The following PCDHA5 variants were observed in gnomAD, a reference collection of about 807,000 sequenced individuals.
PCDHA5 encodes protocadherin alpha-5.
In PCDHA5, 43 loss-of-function variants were observed where a neutral mutation model predicts 61.6. The observed-to-expected ratio is 0.70, with a 90% confidence interval of 0.55 to 0.90. The LOEUF (loss-of-function observed/expected upper bound fraction) is 0.90, where lower values mean the gene tolerates loss of function less well. Among genes scored for constraint, PCDHA5 ranks in the 40% least tolerant of loss-of-function variants. PCDHA5 has a pLI of 0.00. For synonymous variants in PCDHA5, 627 were observed against 543.9 expected (o/e 1.15, Z -2.13); for missense variants, 1,298 against 1,222.7 (o/e 1.06, Z -0.92).
intron 1 of PCDHA5, among the ~76,000 whole-genome samples, chr5:140,880,574 AGAGAG>A (rs2058389036): frequency 1.3e-5 from 2 of 152,226 alleles, no homozygotes; most frequent in African/African-American, 4.8e-5. Flanking sequence ...GAATTTGAGA[AGAGAG>A]GAAAGAGAAT....
chr5:140,858,334 GC>G, intron 1 of PCDHA5: 1 of 1,595,814 alleles, frequency 6.3e-7, no homozygotes, highest in Admixed American at 1.7e-5. Flanking sequence ...GGGAGGGCCT[GC>G]CCAAGGCGGA....
chr5:140,906,962 C>T (rs1554192812), intron 1 of PCDHA5, among the ~76,000 whole-genome samples: 2 of 152,146 alleles, frequency 1.3e-5, no homozygotes, highest in South Asian at 4.1e-4. Context: ...TTAATGGAAT[C>T]GTGGTTGTGT....
rs2098416866 is a variant in PCDHA5, at chr5:141,010,297, G to C, written c.*360G>C. 3 of 1,549,050 alleles carry C rather than the reference G, an allele frequency of 1.9e-6. No individual in the cohort carries two copies. The South Asian group carries it at 3.6e-5, about 19-fold the overall frequency. On this transcript the variant is annotated 3_prime_UTR_variant, in exon 4 of 4. Transcript: ENST00000529859. ...TGTCTTGATGACACTTGCAGGGCAGGCTGAAAAGTTTTGAGATTGAGCAGC... is the reference window on the plus strand; with the variant it reads ...TGTCTTGATGACACTTGCAGGGCAGCCTGAAAAGTTTTGAGATTGAGCAGC...
chr5:140,841,365 T>C (rs1238477201), intron 1 of PCDHA5: 13 of 1,613,134 alleles, frequency 8.1e-6, no homozygotes, highest in Non-Finnish European at 1.1e-5. Context: ...TGGCGACTAC[T>C]ACTCTTGCTT....
At chr5:140,846,790 C>T (rs1780677178) in intron 1 of PCDHA5, among the ~76,000 whole-genome samples, 1 of 149,194 alleles carries the variant, frequency 6.7e-6, no homozygotes, top group Non-Finnish European at 1.5e-5. Context: ...ATTACTGAGC[C>T]CCAGCCCCTG....
intron 1 of PCDHA5, among the ~76,000 whole-genome samples, chr5:140,827,206 A>G (rs1769216387): frequency 6.6e-6 from 1 of 152,196 alleles, no homozygotes; most frequent in South Asian, 2.1e-4. Flanking sequence ...AGTGAGTGAG[A>G]ACAATTAAAG....
intron 2 of PCDHA5, among the ~76,000 whole-genome samples, chr5:140,981,563 G>A (rs2096938689): frequency 6.6e-6 from 1 of 152,110 alleles, no homozygotes; most frequent in African/African-American, 2.4e-5. Flanking sequence ...GACAGAGTGA[G>A]GCTTTGTCTC....
intron 1 of PCDHA5, chr5:140,883,572 T>C: frequency 6.2e-7 from 1 of 1,614,098 alleles, no homozygotes; most frequent in Non-Finnish European, 8.5e-7. Flanking sequence ...TCGCCTTCGC[T>C]GTGGGCCACG....
chr5:140,883,639 G>A (rs2059720248), intron 1 of PCDHA5: 1 of 1,614,016 alleles, frequency 6.2e-7, no homozygotes, highest in Non-Finnish European at 8.5e-7. Context: ...CGTTCGCGCA[G>A]CCCGAGTACA....
At chr5:140,975,899 G>A (rs2096688066) in intron 1 of PCDHA5, among the ~76,000 whole-genome samples, 1 of 152,084 alleles carries the variant, frequency 6.6e-6, no homozygotes, top group African/African-American at 2.4e-5. Context: ...ATGGAGTTTT[G>A]TGACCATTAT....
rs1554169514 is a variant in PCDHA5, at chr5:140,877,250, A to C, written c.2352+53123A>C. On this transcript the variant is annotated intron_variant, in intron 1 of 3. Transcript: ENST00000529859. Reference sequence around the variant, plus strand: ...GTGGGTGCGGGCCACGTGGTGGCGAAAGTGCGCGCGGTGGACGCTGACTCC... The same window carrying C: ...GTGGGTGCGGGCCACGTGGTGGCGACAGTGCGCGCGGTGGACGCTGACTCC... 1.9e-6 allele frequency: 3 copies of C among 1,613,668 alleles called. No homozygotes were observed. In the African/African-American group the frequency reaches 4.0e-5, roughly 22 times the overall value.
At chr5:140,960,303 C>G (rs2095539243) in intron 1 of PCDHA5, among the ~76,000 whole-genome samples, 1 of 152,132 alleles carries the variant, frequency 6.6e-6, no homozygotes, top group African/African-American at 2.4e-5. Context: ...TTCATCAATA[C>G]CAACCTCATT....
intron 1 of PCDHA5, among the ~76,000 whole-genome samples, chr5:140,909,316 G>C (rs2074435468): frequency 6.6e-6 from 1 of 152,198 alleles, no homozygotes; most frequent in Non-Finnish European, 1.5e-5. Flanking sequence ...AAAGGCATTT[G>C]CCAAATCAAT....
intron 1 of PCDHA5, among the ~76,000 whole-genome samples, chr5:140,899,492 T>A (rs1325439071): frequency 3.9e-5 from 6 of 152,338 alleles, no homozygotes; most frequent in Admixed American, 3.3e-4. Context: ...CTGGATTACA[T>A]TTATTGATTT....
chr5:140,967,833 T>C, intron 1 of PCDHA5: 1 of 1,614,132 alleles, frequency 6.2e-7, no homozygotes, highest in Non-Finnish European at 8.5e-7. Context: ...GTGGACATCG[T>C]GGACGTGAAT....
At chr5:140,987,681 G>A (rs1554249426) in intron 3 of PCDHA5, among the ~76,000 whole-genome samples, 2 of 152,184 alleles carry the variant, frequency 1.3e-5, no homozygotes, top group Non-Finnish European at 2.9e-5. Context: ...TTAGTAAATA[G>A]TAGCTATTTT....
intron 1 of PCDHA5, among the ~76,000 whole-genome samples, chr5:140,965,730 C>T (rs1554227819): frequency 6.6e-6 from 1 of 152,166 alleles, no homozygotes; most frequent in East Asian, 1.9e-4. Flanking sequence ...AAAAATTTTA[C>T]CAGATTTTCC....
At chr5:141,007,095 G>A (rs1405401392) in intron 3 of PCDHA5, among the ~76,000 whole-genome samples, 2 of 152,208 alleles carry the variant, frequency 1.3e-5, no homozygotes, top group East Asian at 1.9e-4. Context: ...AGAGAGTCTA[G>A]GGCCAAACCC....
rs545893416 is a variant in PCDHA5, at chr5:140,934,382, A to G, written c.2353-44567A>G. On this transcript the variant is annotated intron_variant, in intron 1 of 3. Transcript: ENST00000529859. ...CTGCTTTGACTCCTTCTGTGGTTCT[A>G]TGGTGGCCAGCTTTACCCACCAATG... Among the ~76,000 whole-genome samples the G allele has an allele frequency of 2.0e-3, 310 of 152,264 alleles. 8 individuals are homozygous for G. Among genetic ancestry groups the G allele is most frequent in the South Asian group, 3.9e-3 (19 of 4,830 alleles).
Sources: gnomAD v4.1 joint callset for allele counts (sites outside exome capture counted in the v4.1 genomes callset) on GRCh38, gnomAD v4.1.1 for gene constraint, MANE v1.5 for transcripts, NCBI Gene and HGNC (gene_info 2026-07-23, HGNC 2026-07-21) for gene names.